Variants in TMEFF2 observed in about 807,000 individuals in gnomAD.
The protein encoded by TMEFF2 is tomoregulin-2.
Under a neutral mutation model 53.8 loss-of-function variants are expected in TMEFF2, and 28 were observed. That is an observed-to-expected ratio of 0.52 (90% CI 0.39 to 0.71). The LOEUF is 0.71. TMEFF2 is among the 30% of genes least tolerant of loss of function. The probability of loss-of-function intolerance (pLI) is 0.00; values close to 1 mark genes in which losing one functional copy is unlikely to be tolerated. For missense variants in TMEFF2, 353 were observed against 455.2 expected (o/e 0.78, Z 2.04); for synonymous variants, 162 against 166.3 (o/e 0.97, Z 0.20).
chr2:192,192,516 T>C (rs996258756), intron 1 of TMEFF2, among the ~76,000 whole-genome samples: 6 of 152,198 alleles, frequency 3.9e-5, no homozygotes, highest in Non-Finnish European at 5.9e-5. Context: ...CACAGTGTTT[T>C]CTGTGATGGT....
At chr2:192,122,512 G>A (rs1400173288) in intron 4 of TMEFF2, among the ~76,000 whole-genome samples, 9 of 152,108 alleles carry the variant, frequency 5.9e-5, no homozygotes, top group Admixed American at 5.9e-4. Flanking sequence ...GCTTAATTCT[G>A]CCAAAGAACA....
chr2:192,172,528 C>T (rs1286001277), intron 4 of TMEFF2, among the ~76,000 whole-genome samples: 2 of 151,896 alleles, frequency 1.3e-5, no homozygotes, highest in Non-Finnish European at 1.5e-5. Context: ...GCTACTTACA[C>T]AACTATCCTA....
chr2:192,025,275 C>T (rs758027640), intron 5 of TMEFF2, among the ~76,000 whole-genome samples: 8 of 151,630 alleles, frequency 5.3e-5, no homozygotes, highest in Non-Finnish European at 1.0e-4. Context: ...AATTATTGAT[C>T]GGGGATGATG....
At chr2:192,180,974 T>C (rs1691172642) in intron 3 of TMEFF2, among the ~76,000 whole-genome samples, 1 of 151,872 alleles carries the variant, frequency 6.6e-6, no homozygotes, top group South Asian at 2.1e-4. Context: ...CATATGTCTT[T>C]GGATCAGCAT....
intron 4 of TMEFF2, among the ~76,000 whole-genome samples, chr2:192,130,118 A>T (rs1295374454): frequency 4.6e-5 from 7 of 152,334 alleles, no homozygotes; most frequent in Non-Finnish European, 8.8e-5. Flanking sequence ...ACGTATTAAC[A>T]ATCTTAATTT....
chr2:191,986,217 G>C (rs1023909170), intron 7 of TMEFF2, among the ~76,000 whole-genome samples: 1 of 152,170 alleles, frequency 6.6e-6, no homozygotes, highest in Non-Finnish European at 1.5e-5. Context: ...AATGGTTGCT[G>C]TTGCCTCCTT....
At chr2:192,033,788 A>G (rs1574308444) in intron 5 of TMEFF2, among the ~76,000 whole-genome samples, 2 of 152,312 alleles carry the variant, frequency 1.3e-5, no homozygotes, top group South Asian at 4.1e-4. Flanking sequence ...TCACAAATTG[A>G]CCATCTATCC....
At chr2:192,132,110 C>A (rs1689849914) in intron 4 of TMEFF2, among the ~76,000 whole-genome samples, 1 of 152,116 alleles carries the variant, frequency 6.6e-6, no homozygotes, top group Non-Finnish European at 1.5e-5. Context: ...CCCCTCCTCG[C>A]CAGGCCAAGC....
intron 7 of TMEFF2, among the ~76,000 whole-genome samples, chr2:191,977,613 T>TATAAA (rs112705823): frequency 0.03 from 4,531 of 152,270 alleles, 235 homozygotes; most frequent in African/African-American, 0.1. Context: ...CATGAAATCT[T>TATAAA]AGAAATGGAT....
At chr2:192,077,324 T>C (rs576295932) in intron 4 of TMEFF2, among the ~76,000 whole-genome samples, 2 of 152,182 alleles carry the variant, frequency 1.3e-5, no homozygotes, top group Admixed American at 6.5e-5. Flanking sequence ...TACTCCATTA[T>C]GATGATGATC....
At chr2:192,039,988 C>A (rs919076529) in intron 5 of TMEFF2, among the ~76,000 whole-genome samples, 7 of 151,988 alleles carry the variant, frequency 4.6e-5, no homozygotes, top group African/African-American at 1.7e-4. Context: ...TACAATTTTA[C>A]AAGTTTATCA....
intron 4 of TMEFF2, among the ~76,000 whole-genome samples, chr2:192,102,772 T>C (rs1472456439): frequency 1.3e-5 from 2 of 151,912 alleles, no homozygotes; most frequent in South Asian, 4.2e-4. Context: ...GGTTTCGTCG[T>C]GTTGGCCAGG....
intron 5 of TMEFF2, among the ~76,000 whole-genome samples, chr2:192,021,531 A>G (rs1686860582): frequency 6.6e-6 from 1 of 152,118 alleles, no homozygotes; most frequent in East Asian, 1.9e-4. Flanking sequence ...AAGAACAGAG[A>G]CCATAGTAAA....
intron 4 of TMEFF2, among the ~76,000 whole-genome samples, chr2:192,134,267 A>T (rs994763165): frequency 1.3e-5 from 2 of 152,142 alleles, no homozygotes; most frequent in Non-Finnish European, 2.9e-5. Flanking sequence ...ACTTCAATAC[A>T]GCCTCCCACA....
chr2:192,037,652 AGAG>A (rs1687363971), intron 5 of TMEFF2, among the ~76,000 whole-genome samples: 1 of 142,932 alleles, frequency 7.0e-6, no homozygotes, highest in African/African-American at 2.6e-5. Flanking sequence ...AAAGAGAGAG[AGAG>A]AGAGAGAGAG....
Position 192,194,628 on chromosome 2 carries a change from A to AGGC in TMEFF2, c.-107_-105dup, listed in dbSNP as rs376629076. ...AGCATCCCGCGGACGGCGGCAGCAG[A>AGGC]GGCGGCGGCGGTGGCAGTGGCACCC... On this transcript the variant is annotated 5_prime_UTR_variant, in exon 1 of 10. Coordinates refer to ENST00000272771, the MANE Select transcript of TMEFF2 (RefSeq NM_016192.4). The surrounding 1 kb of genome is among the most constrained non-coding windows in gnomAD (Gnocchi z 4.2). 29 of 1,401,174 alleles carry AGGC rather than the reference A, an allele frequency of 2.1e-5. No homozygotes were observed. In the African/African-American group the frequency reaches 3.7e-4, roughly 18 times the overall value. 86.8% of individuals were successfully genotyped at this position (1,401,174 alleles called of 1,614,324 possible). A position where few individuals can be genotyped will look rare whatever the true frequency, so the allele number is the denominator to read the frequency against.
intron 4 of TMEFF2, among the ~76,000 whole-genome samples, chr2:192,130,095 G>A (rs1689778660): frequency 6.6e-6 from 1 of 151,984 alleles, no homozygotes; most frequent in African/African-American, 2.4e-5. Context: ...ATTACTTTTT[G>A]TTCTGTGAGC....
chr2:192,075,284 A>ATT (rs1486460540), intron 4 of TMEFF2, among the ~76,000 whole-genome samples: 68 of 42,216 alleles, frequency 1.6e-3, no homozygotes, highest in Admixed American at 9.2e-3. Context: ...GTACAGTACT[A>ATT]TTATATATAT....
intron 4 of TMEFF2, among the ~76,000 whole-genome samples, chr2:192,127,839 T>A (rs12693628): frequency 0.99 from 151,349 of 152,334 alleles, 75,195 homozygotes; most frequent in Middle Eastern, 1. Flanking sequence ...TAAAACTACG[T>A]AAGAAATGTT....
Sources: allele counts gnomAD v4.1 joint callset (sites outside exome capture counted in the v4.1 genomes callset), GRCh38; gene constraint gnomAD v4.1.1; non-coding constraint Gnocchi (gnomAD v3.1); transcripts MANE v1.5; gene names NCBI Gene and HGNC (gene_info 2026-07-23, HGNC 2026-07-21).